GPR158: variants seen among roughly 807,000 people sequenced by gnomAD.
The protein encoded by GPR158 is metabotropic glycine receptor.
Under a neutral mutation model 78.2 loss-of-function variants are expected in GPR158, and 30 were observed. The ratio of observed to expected loss-of-function variants is 0.38; its 90% CI spans 0.29 to 0.52. The LOEUF (loss-of-function observed/expected upper bound fraction) is 0.52. Ranked by LOEUF, GPR158 falls within the 20% of genes least tolerant of loss-of-function variation. The pLI is 0.83. For synonymous variants in GPR158, 581 were observed against 591.1 expected (o/e 0.98, Z 0.25); for missense variants, 1,463 against 1,523.5 (o/e 0.96, Z 0.66).
At position 25,381,728 on chromosome 10, in the gene GPR158, T is replaced by A. The variant is rs1834157667; in HGVS notation, c.1009-14183T>A. On this transcript the variant is annotated intron_variant, in intron 2 of 10. Transcript: ENST00000376351. ...TATTTACATTTAAAAGTATTTTTAA[T>A]TCATCTTGAATTCAAAGATATTATT... 2.6e-5 allele frequency among the ~76,000 whole-genome samples: 4 copies of A among 152,248 alleles called. No individual in the cohort carries two copies. In the South Asian group the frequency reaches 8.3e-4, roughly 31 times the overall value.
chr10:25,482,643 C>T (rs1225751586), intron 5 of GPR158, among the ~76,000 whole-genome samples: 2 of 152,066 alleles, frequency 1.3e-5, no homozygotes, highest in African/African-American at 4.8e-5. Context: ...ATGATCTCAT[C>T]CATTCTCATA....
intron 2 of GPR158, among the ~76,000 whole-genome samples, chr10:25,387,165 T>C (rs887096887): frequency 6.6e-6 from 1 of 152,174 alleles, no homozygotes; most frequent in Non-Finnish European, 1.5e-5. Context: ...TTTAGTATGT[T>C]GGGTGTTTTT....
intron 2 of GPR158, among the ~76,000 whole-genome samples, chr10:25,369,912 A>C (rs1833960883): frequency 6.6e-6 from 1 of 151,348 alleles, no homozygotes. Context: ...GTATGTGTCA[A>C]GGAATTTATC....
intron 5 of GPR158, among the ~76,000 whole-genome samples, chr10:25,517,931 A>G (rs1171126672): frequency 9.2e-6 from 1 of 109,026 alleles, no homozygotes; most frequent in Admixed American, 9.2e-5. Context: ...TGATTGGAAT[A>G]GTTTCAGAAG....
chr10:25,398,893 C>T (rs2130532744), intron 3 of GPR158, among the ~76,000 whole-genome samples: 1 of 152,284 alleles, frequency 6.6e-6, no homozygotes, highest in South Asian at 2.1e-4. Context: ...GCCAGTAAAG[C>T]AGGGGTCCCC....
intron 4 of GPR158, among the ~76,000 whole-genome samples, chr10:25,427,243 G>A (rs941873182): frequency 6.6e-6 from 1 of 152,160 alleles, no homozygotes. Context: ...CACTGTATTA[G>A]TGACATGGGA....
chr10:25,436,731 G>A (rs1397273454), intron 4 of GPR158, among the ~76,000 whole-genome samples: 3 of 152,180 alleles, frequency 2.0e-5, no homozygotes, highest in South Asian at 4.1e-4. Flanking sequence ...TGATGGTTGA[G>A]GAAGTAGAGA....
At chr10:25,594,496 A>T (rs562999307) in intron 9 of GPR158, 99 bp downstream of exon 9, 16 of 531,560 alleles carry the variant, frequency 3.0e-5, no homozygotes, top group Non-Finnish European at 4.6e-5. Context: ...AATTTGCTTA[A>T]TATTTAAAAG....
At chr10:25,412,956 T>G (rs1834613277) in intron 4 of GPR158, among the ~76,000 whole-genome samples, 2 of 152,222 alleles carry the variant, frequency 1.3e-5, no homozygotes, top group Non-Finnish European at 1.5e-5. Context: ...TGTCCCAGAA[T>G]AATAACAATC....
At chr10:25,188,507 A>T (rs998382281) in intron 1 of GPR158, among the ~76,000 whole-genome samples, 55 of 152,330 alleles carry the variant, frequency 3.6e-4, no homozygotes, top group African/African-American at 1.3e-3. Context: ...ATCTTTGACA[A>T]ACCTGACAAA....
chr10:25,536,249 A>G (rs867782679), intron 5 of GPR158, among the ~76,000 whole-genome samples: 2 of 152,122 alleles, frequency 1.3e-5, no homozygotes, highest in Non-Finnish European at 2.9e-5. Context: ...TCTTTATTAA[A>G]GAAAATTCAT....
intron 2 of GPR158, among the ~76,000 whole-genome samples, chr10:25,370,533 C>G (rs1208607445): frequency 7.3e-6 from 1 of 137,664 alleles, no homozygotes; most frequent in Non-Finnish European, 1.6e-5. Context: ...GTCTGAGAGA[C>G]AGTTTGTTAT....
chr10:25,356,633 A>G (rs1169956045), intron 2 of GPR158, among the ~76,000 whole-genome samples: 1 of 152,098 alleles, frequency 6.6e-6, no homozygotes, highest in South Asian at 2.1e-4. Flanking sequence ...CTCCTTTTGC[A>G]TGCTGCTGTG....
intron 2 of GPR158, among the ~76,000 whole-genome samples, chr10:25,354,635 G>A (rs1235511922): frequency 6.6e-6 from 1 of 152,024 alleles, no homozygotes; most frequent in East Asian, 1.9e-4. Context: ...GCTTATGCAT[G>A]TACTTAATTT....
At chr10:25,580,622 A>G (rs1432197695) in intron 7 of GPR158, among the ~76,000 whole-genome samples, 1 of 152,232 alleles carries the variant, frequency 6.6e-6, no homozygotes, top group East Asian at 1.9e-4. Context: ...CGTATCTGAC[A>G]GATTAACGTT....
intron 5 of GPR158, among the ~76,000 whole-genome samples, chr10:25,494,106 T>C (rs1383041322): frequency 6.6e-6 from 1 of 152,194 alleles, no homozygotes; most frequent in Non-Finnish European, 1.5e-5. Flanking sequence ...GACTTCTGCA[T>C]TTCTCAATAG....
At chr10:25,263,039 GT>G (rs1420736253) in intron 2 of GPR158, among the ~76,000 whole-genome samples, 1 of 152,086 alleles carries the variant, frequency 6.6e-6, no homozygotes, top group Non-Finnish European at 1.5e-5. Flanking sequence ...GAGAGCAAAA[GT>G]TTTTAATTTT....
intron 2 of GPR158, among the ~76,000 whole-genome samples, chr10:25,274,337 T>A (rs1564408127): frequency 6.6e-6 from 1 of 152,226 alleles, no homozygotes. Flanking sequence ...AAAATAGGTT[T>A]GATTCTAAAG....
intron 5 of GPR158, among the ~76,000 whole-genome samples, chr10:25,534,134 T>C (rs1836460441): frequency 1.3e-5 from 2 of 152,216 alleles, no homozygotes; most frequent in Admixed American, 6.6e-5. Context: ...CATCTGGTTA[T>C]GCTTTGGCAC....
Sources: allele counts gnomAD v4.1 joint callset (sites outside exome capture counted in the v4.1 genomes callset), GRCh38; gene constraint gnomAD v4.1.1; transcripts MANE v1.5; gene names NCBI Gene and HGNC (gene_info 2026-07-23, HGNC 2026-07-21).